DRP2: variants seen among roughly 807,000 people sequenced by gnomAD.
The protein encoded by DRP2 is dystrophin-related protein 2.
A neutral mutation model predicts 78.2 loss-of-function variants in DRP2; 29 were observed. The ratio of observed to expected loss-of-function variants is 0.37; its 90% CI spans 0.28 to 0.51. The LOEUF is 0.51. Among genes scored for constraint, DRP2 ranks in the 20% least tolerant of loss-of-function variants. DRP2 has a pLI of 0.94. For synonymous variants in DRP2, 290 were observed against 281.9 expected (o/e 1.03, Z -0.29); for missense variants, 686 against 770.6 (o/e 0.89, Z 1.30).
chrX:101,246,987 A>T, intron 11 of DRP2, 103 bp from the exon 12 acceptor site: 1 of 625,357 alleles, frequency 1.6e-6, no homozygotes, highest in Non-Finnish European at 2.5e-6. Flanking sequence ...TGCTATTGTC[A>T]GACATCTATT....
rs761725917 is a variant in DRP2 at position 101,254,501 on chromosome X, A to G, written c.2054A>G (p.Lys685Arg). ...TTCCGCTCCAAGCATTATTTCAGCA[A>G]ACACCCTCAGCGAGGTTATCTGCCT... The part of the protein sequence containing the change: ...NKFRSKHYFS[K>R]HPQRGYLPVQ... Residue 685 changes from lysine (K) to arginine (R), a missense_variant, in exon 18 of 24, where the codon AAA becomes AGA. Around this residue, in one of 2 missense-constraint regions of DRP2, gnomAD observed 423 missense variants for 531.5 expected, o/e 0.80. Transcript: ENST00000395209. 29 of 1,210,457 alleles carry G rather than the reference A, an allele frequency of 2.4e-5. No individual in the cohort carries two copies. In the East Asian group the frequency reaches 7.7e-4, roughly 32 times the overall value.
intron 14 of DRP2, 56 bp downstream of exon 14, chrX:101,248,655 G>A (rs1923021468): frequency 9.5e-7 from 1 of 1,048,392 alleles, no homozygotes; most frequent in Non-Finnish European, 1.3e-6. Flanking sequence ...GGTGTTGCAG[G>A]GAGGAGGAAG....
chrX:101,224,191 G>GTTTTTTTTTTTTTTTTTTTTTTTTTT (rs1167730116), intron 1 of DRP2, among the ~76,000 whole-genome samples: 3 of 38,868 alleles, frequency 7.7e-5, no homozygotes, highest in Non-Finnish European at 8.0e-5. Context: ...GGTTTTTTTT[G>GTTTTTTTTTTTTTTTTTTTTTTTTTT]TTTTTTTTTT....
At chrX:101,223,141 C>T (rs1336836157) in intron 1 of DRP2, among the ~76,000 whole-genome samples, 1 of 110,620 alleles carries the variant, frequency 9.0e-6, no homozygotes, top group Non-Finnish European at 1.9e-5. Context: ...CTCACCACCC[C>T]CCAGGTGGCA....
At chrX:101,252,820 G>A in intron 17 of DRP2, 104 bp downstream of exon 17, 8 of 599,065 alleles carry the variant, frequency 1.3e-5, no homozygotes, top group South Asian at 3.6e-5. Flanking sequence ...TCTCCCGTGG[G>A]GAGCATTCTC....
chrX:101,236,107 T>C, intron 4 of DRP2, 84 bp downstream of exon 4: 1 of 1,042,007 alleles, frequency 9.6e-7, no homozygotes, highest in Non-Finnish European at 1.3e-6. Flanking sequence ...CCTCTCAGCC[T>C]GTGCATCCCC....
intron 1 of DRP2, among the ~76,000 whole-genome samples, chrX:101,224,193 T>TTTG (rs1922013133): frequency 5.0e-4 from 13 of 25,889 alleles, no homozygotes; most frequent in South Asian, 2.0e-3. Context: ...TTTTTTTTGT[T>TTTG]TTTTTTTTTT....
intron 4 of DRP2, among the ~76,000 whole-genome samples, chrX:101,236,759 A>G (rs1602917064): frequency 8.9e-6 from 1 of 112,352 alleles, no homozygotes; most frequent in East Asian, 2.8e-4. Flanking sequence ...TCAATGACTT[A>G]ACTGTGTGAC....
At chrX:101,231,797 G>A in intron 3 of DRP2, 33 bp downstream of exon 3, 1 of 1,138,506 alleles carries the variant, frequency 8.8e-7, no homozygotes, top group Non-Finnish European at 1.2e-6. Flanking sequence ...AAGACCTGTG[G>A]AGAAAGTGGA....
intron 21 of DRP2, among the ~76,000 whole-genome samples, chrX:101,257,283 G>A (rs60177186): frequency 0.017 from 1,841 of 108,759 alleles, 46 homozygotes; most frequent in African/African-American, 0.059. Context: ...GAGTTTCTGC[G>A]TTTCTCACTA....
chrX:101,244,483 C>T (rs931016713), intron 9 of DRP2, among the ~76,000 whole-genome samples: 1 of 111,445 alleles, frequency 9.0e-6, no homozygotes, highest in Non-Finnish European at 1.9e-5. Context: ...TAAACTGAGC[C>T]ATTCGTGGAA....
At chrX:101,234,471 C>T (rs1234962387) in intron 3 of DRP2, among the ~76,000 whole-genome samples, 5 of 112,925 alleles carry the variant, frequency 4.4e-5, no homozygotes, top group African/African-American at 1.3e-4. Flanking sequence ...CTGACATAGC[C>T]GCCCCCTCCA....
chrX:101,241,837 A>C lies in DRP2; in HGVS notation c.729A>C (p.Leu243=). ...AGATTCAAGGGGCAATGGAGGAACT[A>C]AGCACTACTCTGAGCCAAGCTGAGG... ...LLEIQGAMEE[L]STTLSQAEGV... is the part of the protein sequence containing the mutation. The change falls in exon 7 of 24, where the codon CTA becomes CTC. Residue 243 remains leucine (L), a synonymous_variant. Coordinates refer to ENST00000395209, the MANE Select transcript of DRP2 (RefSeq NM_001939.3). 8.3e-7 allele frequency: 1 copy of C among 1,203,595 alleles called. No individual in the cohort carries two copies. Among genetic ancestry groups the C allele is most frequent in the Non-Finnish European group, 1.1e-6 (1 of 891,306 alleles).
At chrX:101,256,046 C>T in intron 20 of DRP2, 72 bp from the exon 21 acceptor site, 3 of 1,098,247 alleles carry the variant, frequency 2.7e-6, no homozygotes, top group East Asian at 3.2e-5. Flanking sequence ...TTCCTGGGGC[C>T]TGAGCTGAGA....
intron 12 of DRP2, among the ~76,000 whole-genome samples, chrX:101,247,606 G>A (rs1922975951): frequency 9.0e-6 from 1 of 111,561 alleles, no homozygotes; most frequent in Admixed American, 9.5e-5. Context: ...CCTGGCTCAG[G>A]CATGTCTGGC....
At position 101,252,610 on chromosome X, in the gene DRP2, G is replaced by C. The variant is rs746129433; in HGVS notation, c.1871G>C (p.Arg624Pro). 8.3e-7 allele frequency: 1 copy of C among 1,210,354 alleles called. No homozygotes were observed. The highest frequency in any genetic ancestry group is 1.1e-6 in the Non-Finnish European group (1 of 894,416). Residue 624 changes from arginine (R) to proline (P), a missense_variant, in exon 17 of 24, where the codon CGG becomes CCG. Around this residue, in one of 2 missense-constraint regions of DRP2, gnomAD observed 423 missense variants for 531.5 expected, o/e 0.80. Transcript: ENST00000395209. ...RQCPIKGFRY[R>P]SLKQFNVDIC... ...TACATCTCCTCTCCCCCAAGGTACC[G>C]GAGTCTGAAGCAATTCAACGTTGAC...
intron 16 of DRP2, chrX:101,251,432 A>G (rs1302825558): frequency 7.5e-6 from 1 of 134,175 alleles, no homozygotes; most frequent in Non-Finnish European, 1.5e-5. Context: ...GCATTTGCTA[A>G]TTTCTGTGAT....
intron 3 of DRP2, among the ~76,000 whole-genome samples, chrX:101,234,560 G>A: frequency 8.9e-6 from 1 of 112,590 alleles, no homozygotes; most frequent in Non-Finnish European, 1.9e-5. Flanking sequence ...TCCCTGAGAG[G>A]GCTTGCTCAG....
chrX:101,247,195 T>C (rs1922963438), intron 12 of DRP2, 31 bp downstream of exon 12: 3 of 1,145,854 alleles, frequency 2.6e-6, no homozygotes, highest in African/African-American at 3.6e-5. Flanking sequence ...CCCTATGACG[T>C]TCACCACCCC....
Sources: gnomAD v4.1 joint callset for allele counts (sites outside exome capture counted in the v4.1 genomes callset) on GRCh38, gnomAD v4.1.1 for gene constraint, gnomAD v4.1.1 regional missense constraint, MANE v1.5 for transcripts, NCBI Gene and HGNC (gene_info 2026-07-23, HGNC 2026-07-21) for gene names.